Variants in IKZF2 observed in about 807,000 individuals in gnomAD.
IKZF2 encodes IKAROS family zinc finger 2.
IKZF2 carries 15 observed loss-of-function variants against 49.2 expected under a neutral mutation model. That is an observed-to-expected ratio of 0.30 (90% CI 0.20 to 0.47). The LOEUF (loss-of-function observed/expected upper bound fraction) is 0.47, where lower values mean the gene tolerates loss of function less well. IKZF2 is among the 20% of genes least tolerant of loss of function. The pLI, the probability that IKZF2 is intolerant of heterozygous loss-of-function variation, is 1.00. For synonymous variants in IKZF2, 227 were observed against 221.4 expected (o/e 1.03, Z -0.23); for missense variants, 567 against 664.6 (o/e 0.85, Z 1.61).
At position 213,005,602 on chromosome 2, in the gene IKZF2, G is replaced by A. The variant is rs1299150484; in HGVS notation, c.*1758C>T. The A allele has an allele frequency of 2.0e-5, 3 of 151,962 alleles. No homozygotes were observed. The highest frequency in any genetic ancestry group is 6.6e-5 in the Admixed American group (1 of 15,224). The allele number at this position is 151,962 out of a possible 1,614,324, so 9.4% of individuals were successfully genotyped here. A position where few individuals can be genotyped will look rare whatever the true frequency, so the allele number is the denominator to read the frequency against. On this transcript the variant is annotated 3_prime_UTR_variant, in exon 9 of 9. Coordinates refer to ENST00000434687, the MANE Select transcript of IKZF2 (RefSeq NM_001387220.1). Reference sequence around the variant, plus strand: ...ACATAATTTCAGCATCCTATTTAATGATCCTTTAGAGCAGTTATCAGTTAC... The same window carrying A: ...ACATAATTTCAGCATCCTATTTAATAATCCTTTAGAGCAGTTATCAGTTAC...
chr2:213,045,086 C>A (rs186363141), intron 6 of IKZF2, among the ~76,000 whole-genome samples: 2 of 152,176 alleles, frequency 1.3e-5, no homozygotes, highest in African/African-American at 4.8e-5. Flanking sequence ...TATTGGACAG[C>A]GTAGCCCTAC....
At chr2:213,066,874 T>C (rs1702214137) in intron 4 of IKZF2, among the ~76,000 whole-genome samples, 1 of 152,160 alleles carries the variant, frequency 6.6e-6, no homozygotes, top group South Asian at 2.1e-4. Context: ...ATAACATCTA[T>C]GTTTAAATGC....
chr2:213,076,088 A>G (rs1420114010), intron 4 of IKZF2, among the ~76,000 whole-genome samples: 2 of 151,706 alleles, frequency 1.3e-5, no homozygotes, highest in African/African-American at 4.9e-5. Flanking sequence ...TGTTTTCCCA[A>G]CGCTTTCCTA....
chr2:213,021,805 A>G (rs1456556444), intron 7 of IKZF2, 188 bp downstream of exon 7: 7 of 636,830 alleles, frequency 1.1e-5, no homozygotes, highest in Non-Finnish European at 1.9e-5. Flanking sequence ...GCTAATTCAA[A>G]CATTATCAGA....
chr2:213,109,797 T>C (rs1432457064), intron 4 of IKZF2, among the ~76,000 whole-genome samples: 5 of 152,002 alleles, frequency 3.3e-5, no homozygotes, highest in African/African-American at 1.2e-4. Context: ...TAAATAATAT[T>C]ATCATTTCTA....
chr2:213,120,482 T>C lies in IKZF2; in HGVS notation c.139+27226A>G, dbSNP rs538415244. 2.0e-5 allele frequency among the ~76,000 whole-genome samples: 3 copies of C among 152,262 alleles called. No individual in the cohort carries two copies. In the South Asian group the frequency reaches 6.2e-4, roughly 32 times the overall value. Reference sequence around the variant, plus strand: ...GCAAGTATCTGTGGCTGAAGCACAGTATATGTGAAAAGGAATTTCAGGAGA... The same window carrying C: ...GCAAGTATCTGTGGCTGAAGCACAGCATATGTGAAAAGGAATTTCAGGAGA... On this transcript the variant is annotated intron_variant, in intron 4 of 8. Transcript: ENST00000434687.
chr2:213,071,476 T>C (rs2125491546), intron 4 of IKZF2, among the ~76,000 whole-genome samples: 1 of 152,254 alleles, frequency 6.6e-6, no homozygotes, highest in East Asian at 1.9e-4. Context: ...GTTCATTCCT[T>C]CACTCAACAA....
At chr2:213,118,864 A>T (rs1412986850) in intron 4 of IKZF2, among the ~76,000 whole-genome samples, 1 of 152,208 alleles carries the variant, frequency 6.6e-6, no homozygotes, top group Non-Finnish European at 1.5e-5. Context: ...CTCCAGCATA[A>T]TCTGGTACCT....
chr2:213,049,597 AC>A, intron 6 of IKZF2, 115 bp downstream of exon 6: 1 of 667,806 alleles, frequency 1.5e-6, no homozygotes, highest in Non-Finnish European at 2.3e-6. Context: ...TACACCAATA[AC>A]AAGATTGTCT....
At chr2:213,104,078 G>A (rs1240343111) in intron 4 of IKZF2, among the ~76,000 whole-genome samples, 1 of 152,032 alleles carries the variant, frequency 6.6e-6, no homozygotes, top group Non-Finnish European at 1.5e-5. Context: ...TACATAAAAT[G>A]TAAGGGGGAA....
At chr2:213,150,463 C>CTCCTCCTCCTCCTCCTCCTCCTCG (rs2061244670) in intron 1 of IKZF2, 4 of 244,870 alleles carry the variant, frequency 1.6e-5, no homozygotes, top group Non-Finnish European at 3.3e-5. Context: ...CCCCCTCCTC[C>CTCCTCCTCCTCCTCCTCCTCCTCG]TCCTCCTCCT....
At chr2:213,135,242 C>G (rs912100772) in intron 4 of IKZF2, among the ~76,000 whole-genome samples, 1 of 152,160 alleles carries the variant, frequency 6.6e-6, no homozygotes, top group African/African-American at 2.4e-5. Flanking sequence ...ACTCAGATTT[C>G]TTTTGCCATC....
At chr2:213,106,026 T>A (rs2059512492) in intron 4 of IKZF2, among the ~76,000 whole-genome samples, 1 of 152,210 alleles carries the variant, frequency 6.6e-6, no homozygotes, top group African/African-American at 2.4e-5. Flanking sequence ...CAGTATATTT[T>A]TATGACCTAA....
chr2:213,146,771 A>C, intron 4 of IKZF2, among the ~76,000 whole-genome samples: 1 of 124,088 alleles, frequency 8.1e-6, no homozygotes, highest in East Asian at 2.1e-4. Flanking sequence ...GGGGGGGGGA[A>C]GGAAAGAGAA....
chr2:213,078,844 A>G (rs931552963), intron 4 of IKZF2, among the ~76,000 whole-genome samples: 2 of 152,176 alleles, frequency 1.3e-5, no homozygotes, highest in Non-Finnish European at 2.9e-5. Flanking sequence ...TCCCATGTTA[A>G]CCAACTGTGT....
At chr2:213,136,398 G>GA (rs2060675738) in intron 4 of IKZF2, among the ~76,000 whole-genome samples, 1 of 104,120 alleles carries the variant, frequency 9.6e-6, no homozygotes, top group South Asian at 3.8e-4. Flanking sequence ...AAAAGAAAAA[G>GA]AAAAAGAAAA....
chr2:213,147,679 CAAA>C (rs1491528478), intron 4 of IKZF2, 26 bp downstream of exon 4: 1 of 1,460,538 alleles, frequency 6.8e-7, no homozygotes. Flanking sequence ...CACACACACA[CAAA>C]AAAAAATCAT....
intron 4 of IKZF2, among the ~76,000 whole-genome samples, chr2:213,059,808 A>G (rs1440445519): frequency 6.6e-6 from 1 of 151,538 alleles, no homozygotes; most frequent in Non-Finnish European, 1.5e-5. Context: ...AGTGTGAGAT[A>G]TTACAAATAT....
chr2:213,134,451 A>G (rs1032015042), intron 4 of IKZF2, among the ~76,000 whole-genome samples: 1 of 152,258 alleles, frequency 6.6e-6, no homozygotes, highest in Non-Finnish European at 1.5e-5. Context: ...CACACAGTAT[A>G]GTACACAATC....
Sources: allele counts gnomAD v4.1 joint callset (sites outside exome capture counted in the v4.1 genomes callset), GRCh38; gene constraint gnomAD v4.1.1; transcripts MANE v1.5; gene names NCBI Gene and HGNC (gene_info 2026-07-23, HGNC 2026-07-21).